Variants in RAET1E observed in about 807,000 individuals in gnomAD.
The protein encoded by RAET1E is NKG2D ligand 4.
Under a neutral mutation model 21.1 loss-of-function variants are expected in RAET1E, and 27 were observed. That is an observed-to-expected ratio of 1.28 (90% confidence interval 0.94 to 1.76). RAET1E has a LOEUF of 1.76. Ranked by LOEUF, RAET1E falls within the 40% of genes most tolerant of loss-of-function variation. RAET1E has a pLI of 0.00. For missense variants in RAET1E, 310 were observed against 311.3 expected (o/e 1.00, Z 0.03); for synonymous variants, 113 against 115.0 (o/e 0.98, Z 0.11).
In RAET1E at chr6:149,886,481, G is replaced by A. The variant is rs909403412; in HGVS notation, c.*2017C>T. Among the ~76,000 whole-genome samples, 3 of 152,174 alleles carry A rather than the reference G, an allele frequency of 2.0e-5. No individual in the cohort carries two copies. The highest frequency in any genetic ancestry group is 1.3e-4 in the Admixed American group (2 of 15,270). On this transcript the variant is annotated 3_prime_UTR_variant, in exon 6 of 6. Coordinates refer to ENST00000357183, the MANE Select transcript of RAET1E (RefSeq NM_001394057.1). Reference sequence around the variant, plus strand: ...GCAATATCAGCTCACTGCAAACTCCGCCTCCTGAGTTCAAGCGATTCTCCT... The same window carrying A: ...GCAATATCAGCTCACTGCAAACTCCACCTCCTGAGTTCAAGCGATTCTCCT...
rs905523792 is a variant in RAET1E, at chr6:149,885,590, C to T, written c.*2908G>A. 9 of 152,382 alleles carry T rather than the reference C, an allele frequency of 5.9e-5. No individual in the cohort carries two copies. Among genetic ancestry groups the T allele is most frequent in the African/African-American group, 2.2e-4 (9 of 41,440 alleles). The allele number at this position is 152,382 out of a possible 1,614,324, so 9.4% of individuals were successfully genotyped here. A position where few individuals can be genotyped will look rare whatever the true frequency, so the allele number is the denominator to read the frequency against. ...ATACTCTGTTTTGCTCACAGTATAC[C>T]TGATGCCCTCCCTCCTGACCTGTGA... is the stretch of plus-strand genomic sequence containing the variant. On this transcript the variant is annotated 3_prime_UTR_variant, in exon 6 of 6. Transcript: ENST00000357183.
In RAET1E at chr6:149,887,201, C is replaced by T. The variant is rs767916213; in HGVS notation, c.*1297G>A. ...CCACCTCCTTTAAATCCCTACTGTT[C>T]AGACCCAGCTTCTAAAACTGTTCTT... On this transcript the variant is annotated 3_prime_UTR_variant, in exon 6 of 6. Coordinates refer to ENST00000357183, the MANE Select transcript of RAET1E (RefSeq NM_001394057.1). Among the ~76,000 whole-genome samples, 3 of 152,196 alleles carry T rather than the reference C, an allele frequency of 2.0e-5. No homozygotes were observed. The highest frequency in any genetic ancestry group is 2.9e-5 in the Non-Finnish European group (2 of 68,028).
rs1464035174 is a variant in RAET1E, at chr6:149,888,077, A to G, written c.*421T>C. 3 of 438,882 alleles carry G rather than the reference A, an allele frequency of 6.8e-6. No individual in the cohort carries two copies. Among genetic ancestry groups the G allele is most frequent in the Non-Finnish European group, 1.4e-5 (3 of 220,764 alleles). The allele number at this position is 438,882 out of a possible 1,614,324, so 27.2% of individuals were successfully genotyped here. On this transcript the variant is annotated 3_prime_UTR_variant, in exon 6 of 6. Transcript: ENST00000357183. ...TGTAGTTCGGCACTGTAATGTTTAG[A>G]GGGTGGTGAAAGGATTTCTTATACC... is the stretch of plus-strand genomic sequence containing the variant.
intron 2 of RAET1E, among the ~76,000 whole-genome samples, chr6:149,893,401 T>G (rs778057810): frequency 5.9e-5 from 9 of 152,114 alleles, no homozygotes; most frequent in Non-Finnish European, 1.3e-4. Context: ...TAGATCTCCT[T>G]GAAGAGGTCC....
At chr6:149,896,634 ATGTGTGTGTT>A (rs1055337125) in intron 1 of RAET1E, among the ~76,000 whole-genome samples, 1 of 143,526 alleles carries the variant, frequency 7.0e-6, no homozygotes, top group Non-Finnish European at 1.5e-5. Context: ...AACAGAGTGT[ATGTGTGTGTT>A]TGTGTGTGTG....
Position 149,885,145 on chromosome 6 carries a change from G to A in RAET1E, c.*3353C>T, listed in dbSNP as rs569382678. ...CAGATGGTCAGATCATCAAGCTGCT[G>A]CCCCACCCAAAATTGTGTCTTGCCC... is the stretch of plus-strand genomic sequence containing the variant. On this transcript the variant is annotated 3_prime_UTR_variant, in exon 6 of 6. Coordinates refer to ENST00000357183, the MANE Select transcript of RAET1E (RefSeq NM_001394057.1). Among the ~76,000 whole-genome samples the A allele has an allele frequency of 4.7e-4, 72 of 152,272 alleles. No homozygotes were observed. Among genetic ancestry groups the A allele is most frequent in the South Asian group, 2.1e-3 (10 of 4,822 alleles).
intron 3 of RAET1E, 125 bp downstream of exon 3, chr6:149,890,692 T>C (rs4869764): frequency 0.44 from 297,810 of 672,746 alleles, 70,261 homozygotes; most frequent in East Asian, 0.86. Flanking sequence ...GGGATCCTCT[T>C]CCTCACGTCA....
Position 149,888,136 on chromosome 6 carries a change from AGCCACAAGC to A in RAET1E, c.*353_*361del. Reference sequence around the variant, plus strand: ...TATGTTATCTGGGAGTAAATGCTGCAGCCACAAGCGCCACCAGCAAGTCTTCTCAGGGTG... The same window carrying A: ...TATGTTATCTGGGAGTAAATGCTGCAGCCACCAGCAAGTCTTCTCAGGGTG... On this transcript the variant is annotated 3_prime_UTR_variant, in exon 6 of 6. Coordinates refer to ENST00000357183, the MANE Select transcript of RAET1E (RefSeq NM_001394057.1). 1 of 528,368 alleles carries A rather than the reference AGCCACAAGC, an allele frequency of 1.9e-6. No individual in the cohort carries two copies. The highest frequency in any genetic ancestry group is 3.7e-6 in the Non-Finnish European group (1 of 271,558). 32.7% of individuals were successfully genotyped at this position (528,368 alleles called of 1,614,324 possible).
rs558731863 is a variant in RAET1E at position 149,884,385 on chromosome 6, G to A, written c.*4113C>T. The A allele has an allele frequency of 5.4e-5, 58 of 1,076,168 alleles. 1 individual carries two copies. The South Asian group carries it at 7.5e-4, about 14-fold the overall frequency. 66.7% of individuals were successfully genotyped at this position (1,076,168 alleles called of 1,614,324 possible). A position where few individuals can be genotyped will look rare whatever the true frequency, so the allele number is the denominator to read the frequency against. On this transcript the variant is annotated 3_prime_UTR_variant, in exon 6 of 6. Coordinates refer to ENST00000357183, the MANE Select transcript of RAET1E (RefSeq NM_001394057.1). ...GAGGCGCGATCTCCGCTCATTGCAGGCTCCGCCTCCACTTGACTCAGGGAA... is the reference window on the plus strand; with the variant it reads ...GAGGCGCGATCTCCGCTCATTGCAGACTCCGCCTCCACTTGACTCAGGGAA...
In RAET1E at chr6:149,888,483, T is replaced by G; in HGVS notation, c.*15A>C. 2 of 1,610,224 alleles carry G rather than the reference T, an allele frequency of 1.2e-6. No individual in the cohort carries two copies. On this transcript the variant is annotated 3_prime_UTR_variant, in exon 6 of 6. Coordinates refer to ENST00000357183, the MANE Select transcript of RAET1E (RefSeq NM_001394057.1). ...GATGAGACCCATGATTCACCTCTCT[T>G]GAGTCCTTACCAGACTAAGACGTCC... is the stretch of plus-strand genomic sequence containing the variant.
At position 149,890,856 on chromosome 6, in the gene RAET1E, A is replaced by G. The variant is rs745482960; in HGVS notation, c.46T>C (p.Phe16Leu). 2 of 1,613,846 alleles carry G rather than the reference A, an allele frequency of 1.2e-6. No homozygotes were observed. Among genetic ancestry groups the G allele is most frequent in the East Asian group, 4.5e-5 (2 of 44,870 alleles). The change falls in exon 3 of 6, where the codon TTT becomes CTT. Residue 16 changes from phenylalanine (F) to leucine (L), a missense_variant. Coordinates refer to ENST00000357183, the MANE Select transcript of RAET1E (RefSeq NM_001394057.1). ...AAGGCTATTAGTAGCAACAGCAGAA[A>G]CAAAAGAAGGCGCACAGGGCTAGAA... ...LTSSPVRLLL[F>L]LLLLLIALEI...
rs771592480 is a variant in RAET1E, at chr6:149,889,945, C to A, written c.286G>T (p.Glu96Ter). 1.2e-6 allele frequency: 2 copies of A among 1,614,042 alleles called. No homozygotes were observed. Among genetic ancestry groups the A allele is most frequent in the Non-Finnish European group, 1.7e-6 (2 of 1,180,038 alleles). ...AGCATCCTGAGGTCTCGCCCCACTT[C>A]TCCCAGCGTTTGGGTCAATTCTCCC... is the stretch of plus-strand genomic sequence containing the variant. The part of the protein sequence containing the change: ...TWGELTQTLG[E>*]VGRDLRMLLC... Residue 96 changes from glutamate to a stop codon, truncating the protein, a stop_gained, in exon 4 of 6, where the codon GAA becomes TAA. Coordinates refer to ENST00000357183, the MANE Select transcript of RAET1E (RefSeq NM_001394057.1). LOFTEE classifies it high-confidence loss of function.
At chr6:149,892,727 A>G (rs1240716397) in intron 2 of RAET1E, among the ~76,000 whole-genome samples, 2 of 152,172 alleles carry the variant, frequency 1.3e-5, no homozygotes, top group East Asian at 3.8e-4. Context: ...CCATTTGCCA[A>G]TTTTGGCTTT....
Position 149,888,172 on chromosome 6 carries a change from A to G in RAET1E, c.*326T>C, listed in dbSNP as rs1420385437. 9 of 578,740 alleles carry G rather than the reference A, an allele frequency of 1.6e-5. No individual in the cohort carries two copies. Among genetic ancestry groups the G allele is most frequent in the African/African-American group, 5.5e-5 (3 of 54,484 alleles). The allele number at this position is 578,740 out of a possible 1,614,324, so 35.9% of individuals were successfully genotyped here. A position where few individuals can be genotyped will look rare whatever the true frequency, so the allele number is the denominator to read the frequency against. On this transcript the variant is annotated 3_prime_UTR_variant, in exon 6 of 6. Coordinates refer to ENST00000357183, the MANE Select transcript of RAET1E (RefSeq NM_001394057.1). ...CCACCAGCAAGTCTTCTCAGGGTGA[A>G]CGGGAAAAGGGGATGGGACCTGCTG...
Position 149,886,662 on chromosome 6 carries a change from TGGGA to T in RAET1E, c.*1832_*1835del, listed in dbSNP as rs1203540545. Among the ~76,000 whole-genome samples the T allele has an allele frequency of 6.6e-6, 1 of 152,246 alleles. No individual in the cohort carries two copies. Among genetic ancestry groups the T allele is most frequent in the African/African-American group, 2.4e-5 (1 of 41,468 alleles). On this transcript the variant is annotated 3_prime_UTR_variant, in exon 6 of 6. Coordinates refer to ENST00000357183, the MANE Select transcript of RAET1E (RefSeq NM_001394057.1). ...CACCCAACTTGGCCTCCCAAAGTGC[TGGGA>T]TTACAGGAGTGAGCTATCACGCCCA...
In RAET1E at chr6:149,886,975, T is replaced by C. The variant is rs7758020; in HGVS notation, c.*1523A>G. 0.44 allele frequency among the ~76,000 whole-genome samples: 67,385 copies of C among 151,942 alleles called. 15,638 individuals are homozygous for C. Among genetic ancestry groups the C allele is most frequent in the East Asian group, 0.88 (4,552 of 5,152 alleles). On this transcript the variant is annotated 3_prime_UTR_variant, in exon 6 of 6. Transcript: ENST00000357183. ...GGCCCTCCCCAAAGGGTGGCAGATATATTTTTTTCCCCTTGAATTGTAATA... is the reference window on the plus strand; with the variant it reads ...GGCCCTCCCCAAAGGGTGGCAGATACATTTTTTTCCCCTTGAATTGTAATA...
intron 1 of RAET1E, among the ~76,000 whole-genome samples, chr6:149,896,604 A>T (rs1778124217): frequency 6.6e-6 from 1 of 151,948 alleles, no homozygotes; most frequent in Admixed American, 6.6e-5. Flanking sequence ...CTGTGGGGAC[A>T]CCAGCGGGGG....
intron 2 of RAET1E, among the ~76,000 whole-genome samples, chr6:149,895,247 C>T (rs1475447859): frequency 6.6e-6 from 1 of 152,248 alleles, no homozygotes; most frequent in African/African-American, 2.4e-5. Flanking sequence ...CAGGCACCCA[C>T]TTGAGGAGGC....
intron 2 of RAET1E, among the ~76,000 whole-genome samples, chr6:149,894,282 T>C (rs1467118255): frequency 1.3e-5 from 2 of 152,236 alleles, no homozygotes; most frequent in Non-Finnish European, 2.9e-5. Flanking sequence ...GGAGTATCTT[T>C]GTGATGTTCT....
Sources: gnomAD v4.1 joint callset for allele counts (sites outside exome capture counted in the v4.1 genomes callset) on GRCh38, gnomAD v4.1.1 for gene constraint, MANE v1.5 for transcripts, NCBI Gene and HGNC (gene_info 2026-07-23, HGNC 2026-07-21) for gene names.